Variants in C16orf95 observed in about 807,000 individuals in gnomAD.
The protein encoded by C16orf95 is chromosome 16 open reading frame 95.
In C16orf95, 41 loss-of-function variants were observed where a neutral mutation model predicts 32.1. The observed-to-expected ratio is 1.28, with a 90% CI of 1.00 to 1.66. The LOEUF is 1.66. Ranked by LOEUF, C16orf95 falls within the 40% of genes most tolerant of loss-of-function variation. The pLI, the probability that C16orf95 is intolerant of heterozygous loss-of-function variation, is 0.00. For synonymous variants in C16orf95, 147 were observed against 128.9 expected, an observed-to-expected ratio of 1.14 and a Z score of -0.95; for missense variants, 399 against 325.9, an observed-to-expected ratio of 1.22 and a Z score of -1.73.
In C16orf95 at chr16:87,311,248, G is replaced by C. The variant is rs1421976712; in HGVS notation, c.379C>G (p.Pro127Ala). The change falls in exon 4 of 7, where the codon CCC becomes GCC. Residue 127 changes from proline (P) to alanine (A), a missense_variant. Pro to Ala is a conservative substitution (Grantham distance 27). Coordinates refer to ENST00000567970, the MANE Select transcript of C16orf95 (RefSeq NM_001195124.3). ...FPIPQTAKMCPCLCHRFGGRL... is the reference protein window; with the variant it reads ...FPIPQTAKMCACLCHRFGGRL... ...CCCCCAAAGCGGTGGCATAGGCAGG[G>C]GCACATCTTGGCGGTTTGGGGGATA... 3.9e-5 allele frequency: 60 copies of C among 1,535,638 alleles called. No individual in the cohort carries two copies. Among genetic ancestry groups the C allele is most frequent in the Non-Finnish European group, 5.0e-5 (57 of 1,146,620 alleles).
rs1316090893 is a variant in C16orf95, at chr16:87,305,339, G to A, written c.701+380C>T. Among the ~76,000 whole-genome samples the A allele has an allele frequency of 2.6e-5, 4 of 152,178 alleles. No homozygotes were observed. The highest frequency in any genetic ancestry group is 2.6e-4 in the Admixed American group (4 of 15,292). On this transcript the variant is annotated intron_variant, in intron 6 of 6. Coordinates refer to ENST00000567970, the MANE Select transcript of C16orf95 (RefSeq NM_001195124.3). The surrounding 1 kb of genome is among the most constrained non-coding windows in gnomAD (Gnocchi z 4.2). ...AAGAGGTCCCCATACCTGAGGGGGT[G>A]CTCAGAGCTCAGAGGCTGGAGGGTG...
In C16orf95 at chr16:87,311,311, GGGA is replaced by G. The variant is rs1567604936; in HGVS notation, c.331-18_331-16del. On this transcript the variant is annotated splice_polypyrimidine_tract_variant and intron_variant, in intron 3 of 6. Transcript: ENST00000567970. ...GTCTTTTGACTCTAACAGAGAGGATGGGAGGAGAAGATTCAGAAGGGGATGGAG... is the reference window on the plus strand; with the variant it reads ...GTCTTTTGACTCTAACAGAGAGGATGGGAGAAGATTCAGAAGGGGATGGAG... The G allele has an allele frequency of 6.6e-7, 1 of 1,517,188 alleles. No individual in the cohort carries two copies. The highest frequency in any genetic ancestry group is 2.0e-5 in the Admixed American group (1 of 50,384). 94.0% of individuals were successfully genotyped at this position (1,517,188 alleles called of 1,614,324 possible). A position where few individuals can be genotyped will look rare whatever the true frequency, so the allele number is the denominator to read the frequency against.
chr16:87,316,864 G>A (rs1204648457), intron 1 of C16orf95, among the ~76,000 whole-genome samples: 2 of 152,242 alleles, frequency 1.3e-5, no homozygotes, highest in Non-Finnish European at 2.9e-5. Context: ...AAACCTTCCA[G>A]GACCATGGTC....
At position 87,305,735 on chromosome 16, in the gene C16orf95, C is replaced by CCATGGAGG; in HGVS notation, c.684_685insCCTCCATG (p.Val229ProfsTer45). 6.6e-7 allele frequency: 1 copy of CCATGGAGG among 1,510,088 alleles called. No individual in the cohort carries two copies. The highest frequency in any genetic ancestry group is 2.7e-5 in the East Asian group (1 of 37,186). 93.5% of individuals were successfully genotyped at this position (1,510,088 alleles called of 1,614,324 possible). ...CCTGCTCACCGAATGGCCATGATGA[C>CCATGGAGG]CCTCGGGATGGCCTGGAGGAGGGTC... On this transcript the variant is annotated frameshift_variant, in exon 6 of 7. Transcript: ENST00000567970. LOFTEE classifies it low-confidence loss of function (END_TRUNC). This position sits in a 1 kb window ranked among gnomAD's most constrained non-coding sequence, Gnocchi z 4.2.
chr16:87,311,364 T>C, intron 3 of C16orf95, 68 bp from the exon 4 acceptor site: 4 of 1,421,940 alleles, frequency 2.8e-6, no homozygotes, highest in South Asian at 1.4e-5. Context: ...AATGACTCCC[T>C]GATGGAGCCA....
chr16:87,303,084 C>T lies in C16orf95; in HGVS notation c.702-9G>A. ...AAACCCCAAAACACTGGCTGGAAAG[C>T]AAAGAGAGACAGTTACTAGGACCCG... On this transcript the variant is annotated splice_polypyrimidine_tract_variant and intron_variant, in intron 6 of 6. Transcript: ENST00000567970. The T allele has an allele frequency of 1.3e-6, 2 of 1,536,092 alleles. No homozygotes were observed. The highest frequency in any genetic ancestry group is 1.7e-6 in the Non-Finnish European group (2 of 1,146,902).
In C16orf95 at chr16:87,317,253, A is replaced by C. The variant is rs1904391660; in HGVS notation, c.-11T>G. ...CCGGCTCGCACGCATATGGCTTCTT[A>C]TGGCTGACGCGCCCTTTCACACACA... On this transcript the variant is annotated 5_prime_UTR_variant, in exon 1 of 7. Transcript: ENST00000567970. 11 of 1,514,188 alleles carry C rather than the reference A, an allele frequency of 7.3e-6. No individual in the cohort carries two copies. The highest frequency in any genetic ancestry group is 9.7e-6 in the Non-Finnish European group (11 of 1,135,156). The allele number at this position is 1,514,188 out of a possible 1,614,324, so 93.8% of individuals were successfully genotyped here.
chr16:87,310,387 A>C (rs1375800331), intron 4 of C16orf95, 54 bp from the exon 5 acceptor site: 1 of 1,522,106 alleles, frequency 6.6e-7, no homozygotes, highest in Non-Finnish European at 8.8e-7. Flanking sequence ...CCAAGGGGGA[A>C]GGCCTGGTGA....
chr16:87,305,614 G>A lies in C16orf95; in HGVS notation c.701+105C>T. 9.3e-7 allele frequency: 1 copy of A among 1,073,062 alleles called. No homozygotes were observed. The highest frequency in any genetic ancestry group is 1.3e-6 in the Non-Finnish European group (1 of 777,066). The allele number at this position is 1,073,062 out of a possible 1,614,324, so 66.5% of individuals were successfully genotyped here. ...GGGCCTTGGACGCCTGTCAAGTTAAGCCCCACCCCCCACTCTTCCACATCC... is the reference window on the plus strand; with the variant it reads ...GGGCCTTGGACGCCTGTCAAGTTAAACCCCACCCCCCACTCTTCCACATCC... On this transcript the variant is annotated intron_variant, in intron 6 of 6. Coordinates refer to ENST00000567970, the MANE Select transcript of C16orf95 (RefSeq NM_001195124.3). This position sits in a 1 kb window ranked among gnomAD's most constrained non-coding sequence, Gnocchi z 4.2.
At chr16:87,315,973 G>C in intron 1 of C16orf95, 150 bp from the exon 2 acceptor site, 2 of 478,544 alleles carry the variant, frequency 4.2e-6, no homozygotes, top group Non-Finnish European at 7.3e-6. Flanking sequence ...AGCCCAAGAA[G>C]AGTGAGAGGG....
intron 6 of C16orf95, chr16:87,303,674 G>A (rs181701947): frequency 1.3e-5 from 2 of 153,966 alleles, no homozygotes; most frequent in Admixed American, 1.3e-4. Flanking sequence ...CAGAGTGAGT[G>A]ACTTCCTGGG....
At chr16:87,309,372 CTTTTTTTTT>C (rs10551847) in intron 5 of C16orf95, among the ~76,000 whole-genome samples, 5 of 86,074 alleles carry the variant, frequency 5.8e-5, no homozygotes, top group African/African-American at 3.0e-4. Flanking sequence ...TCTTTCTTTT[CTTTTTTTTT>C]TTTTTTTTTT....
chr16:87,309,388 T>C (rs1259916065), intron 5 of C16orf95, among the ~76,000 whole-genome samples: 19 of 132,496 alleles, frequency 1.4e-4, no homozygotes, highest in Admixed American at 1.5e-4. Flanking sequence ...TTTTTTTTTT[T>C]TTTTTTTTTT....
rs189421424 is a variant in C16orf95 at position 87,313,642 on chromosome 16, G to A, written c.330+1329C>T. 2.8e-4 allele frequency among the ~76,000 whole-genome samples: 42 copies of A among 152,222 alleles called. 1 individual carries two copies. The East Asian group carries it at 7.0e-3, about 25-fold the overall frequency. On this transcript the variant is annotated intron_variant, in intron 3 of 6. Coordinates refer to ENST00000567970, the MANE Select transcript of C16orf95 (RefSeq NM_001195124.3). ...CCCAGCTACTTGGGGGGTGAGGGGG[G>A]AGGATTGCTTGAGCTAGGGAGTTCA...
In C16orf95 at chr16:87,315,032, A is replaced by C. The variant is rs2150656157; in HGVS notation, c.269T>G (p.Val90Gly). ...AGGCAGTGCTGCTTCCACCCTGGACACAGGCAGGCGGCCCCCGAATCTGGT... is the reference window on the plus strand; with the variant it reads ...AGGCAGTGCTGCTTCCACCCTGGACCCAGGCAGGCGGCCCCCGAATCTGGT... ...CQTRFGGRLP[V>G]SRVEAALPYW... Residue 90 changes from valine to glycine, a missense_variant, in exon 3 of 7, where the codon GTG becomes GGG. Coordinates refer to ENST00000567970, the MANE Select transcript of C16orf95 (RefSeq NM_001195124.3). 6.5e-7 allele frequency: 1 copy of C among 1,536,100 alleles called. No individual in the cohort carries two copies. Among genetic ancestry groups the C allele is most frequent in the Non-Finnish European group, 8.7e-7 (1 of 1,146,872 alleles).
At chr16:87,315,423 C>T (rs1904312455) in intron 2 of C16orf95, among the ~76,000 whole-genome samples, 2 of 152,236 alleles carry the variant, frequency 1.3e-5, no homozygotes, top group Admixed American at 1.3e-4. Flanking sequence ...CACATGAGTG[C>T]TGCCTTTATG....
rs1303876671 is a variant in C16orf95, at chr16:87,312,587, G to GAAAGA, written c.331-1296_331-1292dup. On this transcript the variant is annotated intron_variant, in intron 3 of 6. Transcript: ENST00000567970. Reference sequence around the variant, plus strand: ...CCATCTCAAAAAAAAAAAAAAAAAAGAAAGAAAAGAAAAGAAAAAGAAAAA... The same window carrying GAAAGA: ...CCATCTCAAAAAAAAAAAAAAAAAAGAAAGAAAAGAAAAGAAAAGAAAAAGAAAAA... 1.2e-4 allele frequency among the ~76,000 whole-genome samples: 15 copies of GAAAGA among 122,022 alleles called. No homozygotes were observed. The East Asian group carries it at 2.0e-3, about 16-fold the overall frequency. The allele number at this position is 122,022 out of a possible 152,430, so 80.1% of individuals were successfully genotyped here. A position where few individuals can be genotyped will look rare whatever the true frequency, so the allele number is the denominator to read the frequency against.
Position 87,311,000 on chromosome 16 carries a change from A to T in C16orf95, c.477+150T>A, listed in dbSNP as rs546618012. 6.2e-5 allele frequency: 48 copies of T among 769,242 alleles called. No homozygotes were observed. The African/African-American group carries it at 6.3e-4, about 10-fold the overall frequency. The allele number at this position is 769,242 out of a possible 1,614,324, so 47.7% of individuals were successfully genotyped here. ...TCTGTGCTCCCAAGCCCATGGCCAC[A>T]GCTGCCAGGGGATCTTCTCTGGACA... On this transcript the variant is annotated intron_variant, in intron 4 of 6. Transcript: ENST00000567970.
At chr16:87,304,584 CAG>C (rs956990221) in intron 6 of C16orf95, among the ~76,000 whole-genome samples, 3 of 152,258 alleles carry the variant, frequency 2.0e-5, no homozygotes, top group African/African-American at 7.2e-5. Context: ...AGAGACCAAA[CAG>C]AGCTCACCGC....
Sources: allele counts gnomAD v4.1 joint callset (sites outside exome capture counted in the v4.1 genomes callset), GRCh38; gene constraint gnomAD v4.1.1; non-coding constraint Gnocchi (gnomAD v3.1); transcripts MANE v1.5; gene names NCBI Gene and HGNC (gene_info 2026-07-23, HGNC 2026-07-21).